The following IL20RA variants were observed in gnomAD, a reference collection of about 807,000 sequenced individuals.
IL20RA encodes the protein interleukin 20 receptor subunit alpha, also known as interleukin-20 receptor subunit alpha.
IL20RA carries 29 observed loss-of-function variants against 36.5 expected under a neutral mutation model. That is an observed-to-expected ratio of 0.79 (90% CI 0.59 to 1.08). The LOEUF (loss-of-function observed/expected upper bound fraction) is 1.08. Ranked by LOEUF, IL20RA falls within the 50% of genes least tolerant of loss-of-function variation. The pLI is 0.00. For missense variants in IL20RA, 652 were observed against 668.4 expected (o/e 0.98, Z 0.27); for synonymous variants, 279 against 267.1 (o/e 1.04, Z -0.43).
chr6:137,044,911 A>C lies in IL20RA; in HGVS notation c.-183T>G. The C allele has an allele frequency of 4.3e-6, 2 of 464,318 alleles. No individual in the cohort carries two copies. 28.8% of individuals were successfully genotyped at this position (464,318 alleles called of 1,614,324 possible). A position where few individuals can be genotyped will look rare whatever the true frequency, so the allele number is the denominator to read the frequency against. Reference sequence around the variant, plus strand: ...GTCCCCCAGGCTTCCCCAGAAACCAAGGGCGAGCGACTCGCGGAGCCCCCA... The same window carrying C: ...GTCCCCCAGGCTTCCCCAGAAACCACGGGCGAGCGACTCGCGGAGCCCCCA... On this transcript the variant is annotated 5_prime_UTR_variant, in exon 1 of 7. Coordinates refer to ENST00000316649, the MANE Select transcript of IL20RA (RefSeq NM_014432.4).
At chr6:137,022,148 T>C (rs188189665) in intron 1 of IL20RA, among the ~76,000 whole-genome samples, 44 of 152,288 alleles carry the variant, frequency 2.9e-4, no homozygotes, top group Admixed American at 2.0e-3. Flanking sequence ...CATCAAATAA[T>C]TTGGGAATTT....
In IL20RA at chr6:137,001,375, A is replaced by G. The variant is rs1775026874; in HGVS notation, c.*183T>C. 2 of 503,310 alleles carry G rather than the reference A, an allele frequency of 4.0e-6. No homozygotes were observed. Among genetic ancestry groups the G allele is most frequent in the East Asian group, 3.2e-5 (1 of 31,318 alleles). 31.2% of individuals were successfully genotyped at this position (503,310 alleles called of 1,614,324 possible). On this transcript the variant is annotated 3_prime_UTR_variant, in exon 7 of 7. Transcript: ENST00000316649. ...CTCCAGAGGCCCACCATCATTGTTAAGAGACCTACATGCATGAACCAATCA... is the reference window on the plus strand; with the variant it reads ...CTCCAGAGGCCCACCATCATTGTTAGGAGACCTACATGCATGAACCAATCA...
At chr6:137,012,601 C>G (rs551882697) in intron 2 of IL20RA, among the ~76,000 whole-genome samples, 1 of 152,226 alleles carries the variant, frequency 6.6e-6, no homozygotes, top group African/African-American at 2.4e-5. Context: ...TCAATGTCAT[C>G]AAACTGCTCA....
chr6:137,017,327 G>A (rs1231308493), intron 1 of IL20RA, among the ~76,000 whole-genome samples: 4 of 152,182 alleles, frequency 2.6e-5, no homozygotes, highest in Non-Finnish European at 2.9e-5. Flanking sequence ...TAAAATAACA[G>A]CTAACTTGCT....
At chr6:137,009,050 A>C in intron 4 of IL20RA, 1 of 578,104 alleles carries the variant, frequency 1.7e-6, no homozygotes, top group East Asian at 2.8e-5. Context: ...AGACTGTGCA[A>C]GTGAAAGCTC....
intron 1 of IL20RA, among the ~76,000 whole-genome samples, chr6:137,039,413 C>T (rs1423677229): frequency 2.0e-5 from 3 of 152,156 alleles, no homozygotes; most frequent in African/African-American, 7.2e-5. Flanking sequence ...CACCCCAAGT[C>T]TGCTTGAAGG....
In IL20RA at chr6:137,001,950, C is replaced by A; in HGVS notation, c.1270G>T (p.Glu424Ter). ...PEEQELSLQE[E>*]VSTQGTLLES... is the part of the protein sequence containing the mutation. ...AATAATGTTCCTTGTGTGGACACCT[C>A]CTCCTGCAAACTGAGCTCCTGCTCT... The change falls in exon 7 of 7, where the codon GAG (glutamate) becomes TAG (stop). Residue 424 changes from glutamate (E) to a stop codon, truncating the protein, a stop_gained. Coordinates refer to ENST00000316649, the MANE Select transcript of IL20RA (RefSeq NM_014432.4). LOFTEE classifies it low-confidence loss of function (END_TRUNC). The A allele has an allele frequency of 1.2e-6, 2 of 1,614,160 alleles. No homozygotes were observed. Among genetic ancestry groups the A allele is most frequent in the Non-Finnish European group, 1.7e-6 (2 of 1,180,030 alleles).
rs189003450 is a variant in IL20RA, at chr6:137,011,263, G to A, written c.403+11C>T. On this transcript the variant is annotated intron_variant, in intron 3 of 6. Transcript: ENST00000316649. ...TGTTTAACTGACCATTGCAATAATGGCATTACTTACTTTCTAAAAAAGGAT... is the reference window on the plus strand; with the variant it reads ...TGTTTAACTGACCATTGCAATAATGACATTACTTACTTTCTAAAAAAGGAT... 42 of 1,594,000 alleles carry A rather than the reference G, an allele frequency of 2.6e-5. No homozygotes were observed. The highest frequency in any genetic ancestry group is 5.2e-5 in the Admixed American group (3 of 57,200).
chr6:137,041,806 T>A (rs933286271), intron 1 of IL20RA, among the ~76,000 whole-genome samples: 59 of 141,864 alleles, frequency 4.2e-4, no homozygotes, highest in African/African-American at 1.3e-3. Flanking sequence ...ACCCTGTTAT[T>A]TTTTTTTAAA....
intron 2 of IL20RA, among the ~76,000 whole-genome samples, chr6:137,013,316 C>A (rs1775562369): frequency 6.6e-6 from 1 of 152,176 alleles, no homozygotes; most frequent in South Asian, 2.1e-4. Flanking sequence ...GATGCTGATG[C>A]AGGAGAAAAG....
intron 2 of IL20RA, 105 bp downstream of exon 2, chr6:137,016,863 C>G: frequency 9.4e-7 from 1 of 1,065,920 alleles, no homozygotes; most frequent in Non-Finnish European, 1.4e-6. Flanking sequence ...AAACTTTTCT[C>G]TTTTTCAAAC....
intron 1 of IL20RA, among the ~76,000 whole-genome samples, chr6:137,041,956 C>G (rs1190283895): frequency 6.6e-6 from 1 of 152,096 alleles, no homozygotes; most frequent in East Asian, 1.9e-4. Context: ...AACGCTATCC[C>G]TCCCCTAGCC....
In IL20RA at chr6:137,000,762, T is replaced by C. The variant is rs1775006426; in HGVS notation, c.*796A>G. 6.6e-6 allele frequency: 1 copy of C among 152,202 alleles called. No homozygotes were observed. The highest frequency in any genetic ancestry group is 2.4e-5 in the African/African-American group (1 of 41,454). 9.4% of individuals were successfully genotyped at this position (152,202 alleles called of 1,614,324 possible). On this transcript the variant is annotated 3_prime_UTR_variant, in exon 7 of 7. Transcript: ENST00000316649. ...CTAACACTTTCTAGTTTACAGACTA[T>C]GTAAATATCTTTTTGAAAACACACT... is the stretch of plus-strand genomic sequence containing the variant.
intron 6 of IL20RA, among the ~76,000 whole-genome samples, chr6:137,004,208 C>A (rs571214562): frequency 7.6e-6 from 1 of 131,016 alleles, no homozygotes; most frequent in East Asian, 2.4e-4. Context: ...CAGAGCCTCA[C>A]TCTGTCACCC....
rs1776708537 is a variant in IL20RA at position 137,041,865 on chromosome 6, C to T, written c.88+2776G>A. 1.3e-5 allele frequency among the ~76,000 whole-genome samples: 2 copies of T among 151,552 alleles called. 1 individual carries two copies. Among genetic ancestry groups the T allele is most frequent in the South Asian group, 4.2e-4 (2 of 4,796 alleles). ...TTCTGGAATACATGTGCAGAACATG[C>T]AGGTTTCTTACATAGGTATACATGT... On this transcript the variant is annotated intron_variant, in intron 1 of 6. Transcript: ENST00000316649.
chr6:137,001,411 A>G lies in IL20RA; in HGVS notation c.*147T>C. On this transcript the variant is annotated 3_prime_UTR_variant, in exon 7 of 7. Coordinates refer to ENST00000316649, the MANE Select transcript of IL20RA (RefSeq NM_014432.4). ...TGCATGAACCAATCACACACGTGCT[A>G]TGAGAATAGAGAAAAGAAATAAGTA... is the stretch of plus-strand genomic sequence containing the variant. The G allele has an allele frequency of 1.4e-6, 1 of 712,938 alleles. No individual in the cohort carries two copies. The highest frequency in any genetic ancestry group is 2.2e-5 in the South Asian group (1 of 46,460). 44.2% of individuals were successfully genotyped at this position (712,938 alleles called of 1,614,324 possible).
chr6:137,011,500 A>G (rs757038168), intron 2 of IL20RA, 48 bp from the exon 3 acceptor site: 23 of 1,256,568 alleles, frequency 1.8e-5, no homozygotes, highest in African/African-American at 1.8e-4. Flanking sequence ...TCTATACTTT[A>G]CAATAAAAAA....
In IL20RA at chr6:137,044,661, G is replaced by T; in HGVS notation, c.68C>A (p.Ala23Glu). Residue 23 changes from alanine to glutamate, a missense_variant, in exon 1 of 7, where the codon GCG becomes GAG. Physicochemically the swap from Ala to Glu is moderately radical, Grantham distance 107 (BLOSUM62 -1). Coordinates refer to ENST00000316649, the MANE Select transcript of IL20RA (RefSeq NM_014432.4). Reference protein sequence around the residue: ...PLPPLLLLLLAAPWGRAVPCV... With the variant: ...PLPPLLLLLLEAPWGRAVPCV... Reference sequence around the variant, plus strand: ...CCTACCTGCCCGTCCCCAAGGCGCCGCCAGGAGCAACAGCAGCAGCGGCGG... The same window carrying T: ...CCTACCTGCCCGTCCCCAAGGCGCCTCCAGGAGCAACAGCAGCAGCGGCGG... 1 of 1,223,854 alleles carries T rather than the reference G, an allele frequency of 8.2e-7. No homozygotes were observed. The highest frequency in any genetic ancestry group is 1.0e-6 in the Non-Finnish European group (1 of 982,638). 75.8% of individuals were successfully genotyped at this position (1,223,854 alleles called of 1,614,324 possible). A position where few individuals can be genotyped will look rare whatever the true frequency, so the allele number is the denominator to read the frequency against.
chr6:137,002,471 C>G (rs988182069), intron 6 of IL20RA, 116 bp from the exon 7 acceptor site: 1 of 673,850 alleles, frequency 1.5e-6, no homozygotes, highest in East Asian at 2.7e-5. Context: ...CTTACCAACT[C>G]ATGTAAATGA....
Sources: gnomAD v4.1 joint callset for allele counts (sites outside exome capture counted in the v4.1 genomes callset) on GRCh38, gnomAD v4.1.1 for gene constraint, MANE v1.5 for transcripts, NCBI Gene and HGNC (gene_info 2026-07-23, HGNC 2026-07-21) for gene names.